The following ATP13A3 variants were observed in gnomAD, a reference collection of about 807,000 sequenced individuals.
ATP13A3 encodes the protein polyamine-transporting ATPase 13A3.
A neutral mutation model predicts 158.1 loss-of-function variants in ATP13A3; 59 were observed. The observed-to-expected ratio is 0.37, with a 90% CI of 0.30 to 0.46. ATP13A3 has a LOEUF of 0.46. Ranked by LOEUF, ATP13A3 falls within the 20% of genes least tolerant of loss-of-function variation. ATP13A3 has a pLI of 1.00. For missense variants in ATP13A3, 1,166 were observed against 1,525.2 expected (o/e 0.76, Z 3.92); for synonymous variants, 491 against 504.3 (o/e 0.97, Z 0.35).
chr3:194,441,059 A>C (rs573696624), intron 16 of ATP13A3, among the ~76,000 whole-genome samples: 49 of 152,346 alleles, frequency 3.2e-4, no homozygotes, highest in Admixed American at 4.6e-4. Context: ...GGTTTACCTT[A>C]AACACAAAGC....
chr3:194,408,996 C>T (rs74871832), intron 33 of ATP13A3, among the ~76,000 whole-genome samples: 4,229 of 152,212 alleles, frequency 0.028, 208 homozygotes, highest in African/African-American at 0.098. Flanking sequence ...TCTCCAAAAC[C>T]TCTACGGCAC....
At chr3:194,437,639 A>G (rs1717754310) in intron 17 of ATP13A3, 66 bp from the exon 18 acceptor site, 21 of 1,427,652 alleles carry the variant, frequency 1.5e-5, no homozygotes, top group Non-Finnish European at 1.6e-5. Flanking sequence ...AAAGTTAGAA[A>G]AAGTTTACTA....
chr3:194,445,508 A>G (rs1023537309), intron 14 of ATP13A3, among the ~76,000 whole-genome samples: 2 of 152,230 alleles, frequency 1.3e-5, no homozygotes, highest in African/African-American at 4.8e-5. Context: ...TAGATAAAAT[A>G]AGACTGACAA....
intron 16 of ATP13A3, among the ~76,000 whole-genome samples, chr3:194,439,217 T>C (rs1001392091): frequency 2.0e-5 from 3 of 152,180 alleles, no homozygotes; most frequent in Non-Finnish European, 2.9e-5. Context: ...CATTCAGGGT[T>C]AGAAGCAGAA....
chr3:194,477,102 T>A (rs1453943963), intron 2 of ATP13A3, among the ~76,000 whole-genome samples: 1 of 152,216 alleles, frequency 6.6e-6, no homozygotes, highest in African/African-American at 2.4e-5. Context: ...CTGACTCCAC[T>A]TCTTTATATA....
At chr3:194,491,858 C>A (rs1721150523), upstream of ATP13A3, among the ~76,000 whole-genome samples, 1 of 148,894 alleles carries the variant, frequency 6.7e-6, no homozygotes, top group Admixed American at 6.7e-5. Flanking sequence ...TCATCTCTCA[C>A]CTGGCATGCC....
chr3:194,427,372 C>CA (rs1289817147), intron 28 of ATP13A3, 120 bp from the exon 29 acceptor site: 14 of 885,758 alleles, frequency 1.6e-5, no homozygotes, highest in Non-Finnish European at 1.8e-5. Flanking sequence ...TTCTTTAATA[C>CA]AAAAAATCTT....
chr3:194,439,096 T>A, intron 16 of ATP13A3, 124 bp from the exon 17 acceptor site: 1 of 580,268 alleles, frequency 1.7e-6, no homozygotes, highest in Non-Finnish European at 2.9e-6. Flanking sequence ...TTAAAAAAAA[T>A]GTATGTCCAA....
intron 33 of ATP13A3, among the ~76,000 whole-genome samples, chr3:194,410,344 G>C (rs548485421): frequency 7.4e-6 from 1 of 134,698 alleles, no homozygotes; most frequent in East Asian, 2.2e-4. Flanking sequence ...GCTGGGCCTG[G>C]GATGGCATGC....
chr3:194,475,746 C>T (rs979931502), intron 2 of ATP13A3, among the ~76,000 whole-genome samples: 1 of 152,056 alleles, frequency 6.6e-6, no homozygotes, highest in Non-Finnish European at 1.5e-5. Context: ...CACAGACACA[C>T]CCCACAATCA....
chr3:194,436,972 A>G lies in ATP13A3; in HGVS notation c.2120+123T>C, dbSNP rs1717687864. 1.1e-5 allele frequency: 14 copies of G among 1,245,648 alleles called. No homozygotes were observed. In the South Asian group the frequency reaches 1.5e-4, roughly 13 times the overall value. The allele number at this position is 1,245,648 out of a possible 1,614,324, so 77.2% of individuals were successfully genotyped here. A position where few individuals can be genotyped will look rare whatever the true frequency, so the allele number is the denominator to read the frequency against. On this transcript the variant is annotated intron_variant, in intron 20 of 33. Coordinates refer to ENST00000645319, the MANE Select transcript of ATP13A3 (RefSeq NM_001367549.1). ...ACTTTTACTTCAATCACCTAAAACA[A>G]TATTATATTAGATATCTTTTCATAC...
At chr3:194,431,655 T>A (rs1284255660) in intron 22 of ATP13A3, 62 bp downstream of exon 22, 1 of 1,414,672 alleles carries the variant, frequency 7.1e-7, no homozygotes, top group Non-Finnish European at 9.3e-7. Context: ...CCACTTTTTT[T>A]ATTTTTTCAG....
chr3:194,445,493 G>A (rs943407126), intron 14 of ATP13A3, among the ~76,000 whole-genome samples: 1 of 152,142 alleles, frequency 6.6e-6, no homozygotes, highest in Admixed American at 6.5e-5. Flanking sequence ...TTCAAAATGA[G>A]CAGATAGATA....
At chr3:194,417,172 G>A (rs962025597) in intron 31 of ATP13A3, among the ~76,000 whole-genome samples, 2 of 152,084 alleles carry the variant, frequency 1.3e-5, no homozygotes, top group Non-Finnish European at 2.9e-5. Flanking sequence ...GCTTAGCTGG[G>A]CACAGTGGCT....
At chr3:194,451,039 C>T (rs1718771359) in intron 10 of ATP13A3, 1 of 152,192 alleles carries the variant, frequency 6.6e-6, no homozygotes, top group Non-Finnish European at 1.5e-5. Context: ...CTAACACCCT[C>T]CCTCTCCCTG....
At chr3:194,409,901 A>G (rs775052791) in intron 33 of ATP13A3, among the ~76,000 whole-genome samples, 30 of 152,066 alleles carry the variant, frequency 2.0e-4, no homozygotes, top group Non-Finnish European at 4.3e-4. Flanking sequence ...AAGCAACACT[A>G]CACAGAAGTA....
chr3:194,421,649 G>C (rs1361952403), intron 30 of ATP13A3, among the ~76,000 whole-genome samples: 3 of 151,168 alleles, frequency 2.0e-5, no homozygotes, highest in Admixed American at 1.3e-4. Context: ...CACAAATGCA[G>C]CAACTAAAGT....
chr3:194,469,950 T>A (rs1207251160), intron 2 of ATP13A3, among the ~76,000 whole-genome samples: 2 of 152,156 alleles, frequency 1.3e-5, no homozygotes, highest in East Asian at 3.8e-4. Flanking sequence ...TATACAAATA[T>A]ATACAAAAAG....
At chr3:194,441,590 G>T (rs990499573) in intron 15 of ATP13A3, 129 bp from the exon 16 acceptor site, 5 of 807,994 alleles carry the variant, frequency 6.2e-6, no homozygotes, top group Non-Finnish European at 9.5e-6. Flanking sequence ...CTAAGAAAGA[G>T]AAACTGTCAA....
Sources: gnomAD v4.1 joint callset for allele counts (sites outside exome capture counted in the v4.1 genomes callset) on GRCh38, gnomAD v4.1.1 for gene constraint, MANE v1.5 for transcripts, NCBI Gene and HGNC (gene_info 2026-07-23, HGNC 2026-07-21) for gene names.